Variants in SPAG16 observed in about 807,000 individuals in gnomAD.
SPAG16 encodes sperm associated antigen 16, also known as sperm-associated antigen 16 protein.
A neutral mutation model predicts 80.4 loss-of-function variants in SPAG16; 86 were observed. The ratio of observed to expected loss-of-function variants is 1.07; its 90% CI spans 0.90 to 1.28. The LOEUF (loss-of-function observed/expected upper bound fraction) is 1.28, where lower values mean the gene tolerates loss of function less well. SPAG16 is among the 50% of genes most tolerant of loss of function. The pLI, the probability that SPAG16 is intolerant of heterozygous loss-of-function variation, is 0.00. For synonymous variants in SPAG16, 294 were observed against 265.9 expected (o/e 1.11, Z -1.03); for missense variants, 870 against 765.3 (o/e 1.14, Z -1.61).
chr2:213,819,728 G>T (rs2072811050), intron 10 of SPAG16, among the ~76,000 whole-genome samples: 1 of 151,162 alleles, frequency 6.6e-6, no homozygotes, highest in Non-Finnish European at 1.5e-5. Flanking sequence ...TGGTCTTGTT[G>T]TTTTTTGTTT....
chr2:214,120,700 C>G (rs2054180569), intron 14 of SPAG16, among the ~76,000 whole-genome samples: 1 of 151,894 alleles, frequency 6.6e-6, no homozygotes, highest in Admixed American at 6.6e-5. Context: ...TCTCAATCTA[C>G]TGTGCTGGAT....
intron 9 of SPAG16, among the ~76,000 whole-genome samples, chr2:213,474,976 T>C (rs549878831): frequency 2.6e-5 from 4 of 152,354 alleles, no homozygotes; most frequent in Admixed American, 6.5e-5. Flanking sequence ...CATGTCATCA[T>C]TGGGGTCCCA....
At chr2:213,923,894 G>A (rs928788987) in intron 11 of SPAG16, 1 of 152,434 alleles carries the variant, frequency 6.6e-6, no homozygotes, top group East Asian at 1.9e-4. Flanking sequence ...TGGCAAAAGT[G>A]GGTGGGGTCA....
chr2:214,041,606 C>T (rs2049012156), intron 13 of SPAG16, among the ~76,000 whole-genome samples: 1 of 151,744 alleles, frequency 6.6e-6, no homozygotes, highest in African/African-American at 2.4e-5. Context: ...TCTTATCTTG[C>T]TCAATCTAAA....
chr2:214,239,450 A>G (rs987829144), intron 15 of SPAG16: 13 of 152,308 alleles, frequency 8.5e-5, no homozygotes, highest in African/African-American at 3.1e-4. Context: ...CTCATTTTCA[A>G]AATGAGATAG....
chr2:214,205,550 T>C (rs1264743226), intron 15 of SPAG16, among the ~76,000 whole-genome samples: 1 of 152,168 alleles, frequency 6.6e-6, no homozygotes, highest in Non-Finnish European at 1.5e-5. Context: ...TACAAAAGCA[T>C]TGGTCACACA....
intron 10 of SPAG16, among the ~76,000 whole-genome samples, chr2:213,729,670 G>A (rs890951505): frequency 1.3e-5 from 2 of 152,162 alleles, no homozygotes; most frequent in African/African-American, 2.4e-5. Context: ...AATTTCTACC[G>A]ATTAATGTAA....
chr2:213,979,099 A>G (rs2045562932), intron 12 of SPAG16, among the ~76,000 whole-genome samples: 1 of 152,060 alleles, frequency 6.6e-6, no homozygotes, highest in South Asian at 2.1e-4. Context: ...GACATATTCT[A>G]TTGGTTACAG....
At chr2:213,994,656 G>A (rs2046433501) in intron 12 of SPAG16, among the ~76,000 whole-genome samples, 1 of 150,640 alleles carries the variant, frequency 6.6e-6, no homozygotes, top group Non-Finnish European at 1.5e-5. Context: ...GATCTGAGAT[G>A]AAGTGGATTT....
At chr2:213,745,556 C>G (rs2067780803) in intron 10 of SPAG16, among the ~76,000 whole-genome samples, 1 of 152,042 alleles carries the variant, frequency 6.6e-6, no homozygotes, top group Admixed American at 6.6e-5. Context: ...CTATTTCATA[C>G]TTATTAAATA....
chr2:213,828,359 C>A (rs1251299226), intron 10 of SPAG16, among the ~76,000 whole-genome samples: 1 of 152,062 alleles, frequency 6.6e-6, no homozygotes, highest in Non-Finnish European at 1.5e-5. Flanking sequence ...TCCAGAATTT[C>A]TTCTTGATTT....
Position 214,093,696 on chromosome 2 carries a change from A to G in SPAG16, c.1528-14500A>G, listed in dbSNP as rs143864316. The stretch of plus-strand genomic sequence containing the variant: ...TTGTAGTTGTTAAGAGAGTATAGCT[A>G]TTAACTTAATGCTCTAGTGCAGAAT... On this transcript the variant is annotated intron_variant, in intron 13 of 15. Coordinates refer to ENST00000331683, the MANE Select transcript of SPAG16 (RefSeq NM_024532.5). Among the ~76,000 whole-genome samples, 11 of 152,210 alleles carry G rather than the reference A, an allele frequency of 7.2e-5. No individual in the cohort carries two copies. The East Asian group carries it at 2.1e-3, about 29-fold the overall frequency.
chr2:213,526,237 T>C (rs2075881534), intron 10 of SPAG16, among the ~76,000 whole-genome samples: 1 of 152,206 alleles, frequency 6.6e-6, no homozygotes, highest in Non-Finnish European at 1.5e-5. Flanking sequence ...ACTAATTCAA[T>C]TTTTAGTGTT....
chr2:213,998,978 TCA>T (rs1254449257), intron 12 of SPAG16, among the ~76,000 whole-genome samples: 1 of 152,122 alleles, frequency 6.6e-6, no homozygotes. Flanking sequence ...TTAAAGGCAT[TCA>T]GTTTTATAAG....
intron 15 of SPAG16, among the ~76,000 whole-genome samples, chr2:214,203,834 G>A (rs1338762043): frequency 6.6e-6 from 1 of 152,140 alleles, no homozygotes; most frequent in African/African-American, 2.4e-5. Context: ...AGAAGGGGGC[G>A]AATCAGGGGT....
chr2:213,518,351 G>A (rs561767232), intron 10 of SPAG16, among the ~76,000 whole-genome samples: 8 of 152,282 alleles, frequency 5.3e-5, no homozygotes, highest in South Asian at 4.1e-4. Flanking sequence ...TACTGCAACC[G>A]CAAAGTCCTG....
rs548761730 is a variant in SPAG16 at position 214,027,344 on chromosome 2, C to T, written c.1527+13267C>T. On this transcript the variant is annotated intron_variant, in intron 13 of 15. Transcript: ENST00000331683. ...TCATTCTTATTATCAATGTATTATACATATATTATAGTTAATGATATAGAT... is the reference window on the plus strand; with the variant it reads ...TCATTCTTATTATCAATGTATTATATATATATTATAGTTAATGATATAGAT... Among the ~76,000 whole-genome samples, 113 of 151,532 alleles carry T rather than the reference C, an allele frequency of 7.5e-4. 1 individual carries two copies. The South Asian group carries it at 9.0e-3, about 12-fold the overall frequency.
At chr2:214,318,913 T>G (rs568973922) in intron 15 of SPAG16, among the ~76,000 whole-genome samples, 2 of 152,182 alleles carry the variant, frequency 1.3e-5, no homozygotes, top group Non-Finnish European at 2.9e-5. Context: ...AGATAAGTTA[T>G]GAGCAACTAA....
chr2:213,352,031 C>T (rs777795539), intron 7 of SPAG16, among the ~76,000 whole-genome samples: 7 of 152,058 alleles, frequency 4.6e-5, no homozygotes, highest in Admixed American at 1.3e-4. Flanking sequence ...GTTGTATAAG[C>T]GTCTGGCATT....
Sources: gnomAD v4.1 joint callset for allele counts (sites outside exome capture counted in the v4.1 genomes callset) on GRCh38, gnomAD v4.1.1 for gene constraint, MANE v1.5 for transcripts, NCBI Gene and HGNC (gene_info 2026-07-23, HGNC 2026-07-21) for gene names.